Variants in CNGA3 observed in about 807,000 individuals in gnomAD.
The protein encoded by CNGA3 is cyclic nucleotide-gated channel alpha-3.
Under a neutral mutation model 46.6 loss-of-function variants are expected in CNGA3, and 42 were observed. The observed-to-expected ratio is 0.90, with a 90% CI of 0.70 to 1.17. The LOEUF is 1.17. CNGA3 is among the 50% of genes most tolerant of loss of function. The pLI is 0.00. For synonymous variants in CNGA3, 394 were observed against 369.4 expected (o/e 1.07, Z -0.76); for missense variants, 893 against 890.7 (o/e 1.00, Z -0.03).
At position 98,347,797 on chromosome 2, in the gene CNGA3, T is replaced by A. The variant is rs568929184; in HGVS notation, c.-38+1263T>A. On this transcript the variant is annotated intron_variant, in intron 1 of 7. Coordinates refer to ENST00000272602, the MANE Select transcript of CNGA3 (RefSeq NM_001298.3). ...GGCACCCACCCGGGTTCAGACTCCA[T>A]CCCGGAGTGGACAGCTCGGTGCCCC... 7.9e-5 allele frequency among the ~76,000 whole-genome samples: 12 copies of A among 152,266 alleles called. 1 individual carries two copies. In the South Asian group the frequency reaches 2.5e-3, roughly 32 times the overall value.
intron 1 of CNGA3, among the ~76,000 whole-genome samples, chr2:98,367,345 C>T (rs1341624060): frequency 6.6e-6 from 1 of 151,914 alleles, no homozygotes; most frequent in African/African-American, 2.4e-5. Flanking sequence ...CAGGCACCCA[C>T]CACCACGCCC....
chr2:98,380,421 G>A (rs917890609), intron 4 of CNGA3, 67 bp downstream of exon 4: 17 of 1,557,306 alleles, frequency 1.1e-5, no homozygotes, highest in Admixed American at 1.9e-5. Context: ...CCTGTGCTTT[G>A]CTCCATCCTG....
At chr2:98,371,831 G>A (rs1692295080) in intron 2 of CNGA3, among the ~76,000 whole-genome samples, 1 of 152,204 alleles carries the variant, frequency 6.6e-6, no homozygotes. Context: ...GGGTTTCAAA[G>A]AGAGGGTCGG....
rs540441101 is a variant in CNGA3, at chr2:98,391,144, T to C, written c.567-720T>C. The stretch of plus-strand genomic sequence containing the variant: ...GCCATCCACATGGAAGCAGAGGCTT[T>C]CGATTATTCGAGCATAGGCTGATCT... On this transcript the variant is annotated intron_variant, in intron 6 of 7. Coordinates refer to ENST00000272602, the MANE Select transcript of CNGA3 (RefSeq NM_001298.3). Among the ~76,000 whole-genome samples the C allele has an allele frequency of 2.6e-5, 4 of 152,316 alleles. No homozygotes were observed. In the East Asian group the frequency reaches 5.8e-4, roughly 22 times the overall value.
At position 98,395,871 on chromosome 2, in the gene CNGA3, G is replaced by A; in HGVS notation, c.701G>A (p.Ser234Asn). Residue 234 changes from serine to asparagine, a missense_variant, in exon 8 of 8, where the codon AGT becomes AAT. Around this residue, in one of 3 missense-constraint regions of CNGA3, gnomAD observed 12 missense variants for 29.1 expected, o/e 0.41. Transcript: ENST00000272602. ...TTTCTCGAGCAAGGCTTAATGGTCA[G>A]TGATACCAACAGGCTGTGGCAGCAT... ...TGFLEQGLMV[S>N]DTNRLWQHYK... 2 of 1,614,218 alleles carry A rather than the reference G, an allele frequency of 1.2e-6. No individual in the cohort carries two copies. Among genetic ancestry groups the A allele is most frequent in the Non-Finnish European group, 1.7e-6 (2 of 1,180,036 alleles).
At chr2:98,350,465 AGTTGGCTATGG>A (rs1691747897) in intron 1 of CNGA3, among the ~76,000 whole-genome samples, 2 of 152,230 alleles carry the variant, frequency 1.3e-5, no homozygotes, top group South Asian at 4.1e-4. Flanking sequence ...GCATCTATAG[AGTTGGCTATGG>A]AGAGCTCTGT....
intron 1 of CNGA3, among the ~76,000 whole-genome samples, chr2:98,360,512 G>C (rs562994480): frequency 6.6e-5 from 10 of 152,334 alleles, no homozygotes; most frequent in East Asian, 3.8e-4. Flanking sequence ...CCACTTGACT[G>C]TCAGCTCCTG....
intron 5 of CNGA3, among the ~76,000 whole-genome samples, chr2:98,386,048 T>A (rs1003361444): frequency 1.3e-5 from 2 of 152,210 alleles, no homozygotes; most frequent in Non-Finnish European, 2.9e-5. Flanking sequence ...AAATAAGGAT[T>A]GTAATAGGGT....
At chr2:98,350,721 G>C (rs1008279228) in intron 1 of CNGA3, 6 of 152,170 alleles carry the variant, frequency 3.9e-5, no homozygotes, top group African/African-American at 1.4e-4. Flanking sequence ...TCCAATTTCA[G>C]TGCATTTTCT....
intron 1 of CNGA3, among the ~76,000 whole-genome samples, chr2:98,365,466 G>A (rs536528767): frequency 3.9e-5 from 6 of 152,110 alleles, no homozygotes; most frequent in Non-Finnish European, 7.4e-5. Flanking sequence ...TGCTAGGTTG[G>A]GGAGGTTCTC....
chr2:98,347,510 G>A (rs971577742), intron 1 of CNGA3, among the ~76,000 whole-genome samples: 4 of 152,236 alleles, frequency 2.6e-5, no homozygotes, highest in Non-Finnish European at 5.9e-5. Flanking sequence ...GCGCAGCTGG[G>A]ACTTTAACTT....
chr2:98,389,873 G>A, intron 6 of CNGA3, 99 bp downstream of exon 6: 1 of 887,700 alleles, frequency 1.1e-6, no homozygotes, highest in East Asian at 2.5e-5. Context: ...CCTGAGGCCT[G>A]GACCCCTCAC....
chr2:98,367,167 G>GTTTATTTTCTTTTTTTT lies in CNGA3; in HGVS notation c.-37-2769_-37-2768insATTTTCTTTTTTTTTTT, dbSNP rs751611132. Among the ~76,000 whole-genome samples the GTTTATTTTCTTTTTTTT allele has an allele frequency of 3.9e-4, 40 of 101,604 alleles. 3 individuals are homozygous for GTTTATTTTCTTTTTTTT. Among genetic ancestry groups the GTTTATTTTCTTTTTTTT allele is most frequent in the Admixed American group, 6.6e-4 (6 of 9,136 alleles). The allele number at this position is 101,604 out of a possible 152,430, so 66.7% of individuals were successfully genotyped here. On this transcript the variant is annotated intron_variant, in intron 1 of 7. Coordinates refer to ENST00000272602, the MANE Select transcript of CNGA3 (RefSeq NM_001298.3). ...TTGGTGAGAACCTCTGACATCAGCTGTTTTTTTTCTTTTTTTTCTTTTTTT... is the reference window on the plus strand; with the variant it reads ...TTGGTGAGAACCTCTGACATCAGCTGTTTATTTTCTTTTTTTTTTTTTTTTCTTTTTTTTCTTTTTTT...
chr2:98,366,579 G>C (rs1327270841), intron 1 of CNGA3, among the ~76,000 whole-genome samples: 2 of 152,218 alleles, frequency 1.3e-5, no homozygotes, highest in African/African-American at 4.8e-5. Context: ...CCAGCCCCTG[G>C]CTGGGGTTGC....
rs1373057583 is a variant in CNGA3, at chr2:98,397,830, C to G, written c.*575C>G. On this transcript the variant is annotated 3_prime_UTR_variant, in exon 8 of 8. Transcript: ENST00000272602. ...GTGCTATGGCAAGTAGAAGTTCTGC[C>G]GGATGGAAAGAGGCTGCCCCATTTG... 1 of 156,778 alleles carries G rather than the reference C, an allele frequency of 6.4e-6. No individual in the cohort carries two copies. Among genetic ancestry groups the G allele is most frequent in the Non-Finnish European group, 1.4e-5 (1 of 70,652 alleles). The allele number at this position is 156,778 out of a possible 1,614,324, so 9.7% of individuals were successfully genotyped here.
intron 3 of CNGA3, chr2:98,378,327 G>A: frequency 8.8e-7 from 1 of 1,140,534 alleles, no homozygotes; most frequent in African/African-American, 1.6e-5. Flanking sequence ...GCTCCATCCT[G>A]AGGAAGTCAT....
chr2:98,387,781 A>T (rs1043214741), intron 5 of CNGA3, among the ~76,000 whole-genome samples: 4 of 152,148 alleles, frequency 2.6e-5, no homozygotes, highest in Non-Finnish European at 5.9e-5. Flanking sequence ...TGGCTTTCTC[A>T]TTAAGGCCCA....
At chr2:98,385,563 A>G (rs978231431) in intron 5 of CNGA3, among the ~76,000 whole-genome samples, 1 of 152,068 alleles carries the variant, frequency 6.6e-6, no homozygotes, top group African/African-American at 2.4e-5. Context: ...TATATTGAAT[A>G]CTTAGATTGA....
rs1692972152 is a variant in CNGA3 at position 98,398,321 on chromosome 2, A to G, written c.*1066A>G. On this transcript the variant is annotated 3_prime_UTR_variant, in exon 8 of 8. Coordinates refer to ENST00000272602, the MANE Select transcript of CNGA3 (RefSeq NM_001298.3). ...GTAAATATAATTTCATTAACATTTT[A>G]TAACAGATTTATATTTTTGAGTTCC... 6.6e-6 allele frequency: 1 copy of G among 152,226 alleles called. No homozygotes were observed. Among genetic ancestry groups the G allele is most frequent in the Non-Finnish European group, 1.5e-5 (1 of 68,044 alleles). 9.4% of individuals were successfully genotyped at this position (152,226 alleles called of 1,614,324 possible).
Sources: gnomAD v4.1 joint callset for allele counts (sites outside exome capture counted in the v4.1 genomes callset) on GRCh38, gnomAD v4.1.1 for gene constraint, gnomAD v4.1.1 regional missense constraint, MANE v1.5 for transcripts, NCBI Gene and HGNC (gene_info 2026-07-23, HGNC 2026-07-21) for gene names.